AP1G1: variants seen among roughly 807,000 people sequenced by gnomAD.
AP1G1 encodes the protein adaptor related protein complex 1 subunit gamma 1, also known as AP-1 complex subunit gamma-1.
Under a neutral mutation model 108.3 loss-of-function variants are expected in AP1G1, and 7 were observed. The observed-to-expected ratio is 0.06, with a 90% CI of 0.04 to 0.12. The LOEUF (loss-of-function observed/expected upper bound fraction) is 0.12. AP1G1 is among the 10% of genes least tolerant of loss of function. The pLI is 1.00. For synonymous variants in AP1G1, 379 were observed against 353.5 expected (o/e 1.07, Z -0.81); for missense variants, 756 against 1,010.7 (o/e 0.75, Z 3.42).
chr16:71,791,226 AAAAAAAAAAAAC>A (rs932104417), intron 1 of AP1G1, among the ~76,000 whole-genome samples: 1 of 128,122 alleles, frequency 7.8e-6, no homozygotes. Flanking sequence ...TCAAAAAAAC[AAAAAAAAAAAAC>A]AAAAAAAACA....
intron 1 of AP1G1, among the ~76,000 whole-genome samples, chr16:71,793,668 A>G (rs1415660232): frequency 6.6e-6 from 1 of 152,116 alleles, no homozygotes; most frequent in East Asian, 1.9e-4. Flanking sequence ...CAGTACCACA[A>G]TATAGTTTTT....
At chr16:71,750,575 TG>T in intron 13 of AP1G1, 1 of 369,634 alleles carries the variant, frequency 2.7e-6, no homozygotes, top group Non-Finnish European at 5.0e-6. Context: ...CCACCACACC[TG>T]GCTAATTTTT....
chr16:71,750,257 A>G lies in AP1G1; in HGVS notation c.1360T>C (p.Tyr454His). The change falls in exon 14 of 23, where the codon TAT (tyrosine) becomes CAT (histidine). Residue 454 changes from tyrosine to histidine, a missense_variant. Coordinates refer to ENST00000299980, the MANE Select transcript of AP1G1 (RefSeq NM_001128.6). Reference sequence around the variant, plus strand: ...GCTTTGTACAGGCGCTGGACAGTATAGGCATGCATCTCCACACTATTAGTT... The same window carrying G: ...GCTTTGTACAGGCGCTGGACAGTATGGGCATGCATCTCCACACTATTAGTT... The part of the protein sequence containing the change: ...LITNSVEMHA[Y>H]TVQRLYKAIL... 1 of 1,614,162 alleles carries G rather than the reference A, an allele frequency of 6.2e-7. No individual in the cohort carries two copies. The highest frequency in any genetic ancestry group is 8.5e-7 in the Non-Finnish European group (1 of 1,180,006).
chr16:71,805,293 C>A (rs1019642838), intron 1 of AP1G1, among the ~76,000 whole-genome samples: 1 of 151,876 alleles, frequency 6.6e-6, no homozygotes, highest in African/African-American at 2.4e-5. Flanking sequence ...ACTAAAAATA[C>A]AAAAATTAGC....
In AP1G1 at chr16:71,739,061, T is replaced by G. The variant is rs759618982; in HGVS notation, c.2149A>C (p.Ile717Leu). ...ITAYSKNGLK[I>L]EFTFERSNTN... The stretch of plus-strand genomic sequence containing the variant: ...TTTGACCGTTCAAAGGTGAATTCTA[T>G]CTTCAAGCCATTCTTACTGTATGCT... Residue 717 changes from isoleucine (I) to leucine (L), a missense_variant, in exon 21 of 23, where the codon ATA (isoleucine) becomes CTA (leucine). Ile to Leu is a conservative substitution (Grantham distance 5). Coordinates refer to ENST00000299980, the MANE Select transcript of AP1G1 (RefSeq NM_001128.6). 6 of 1,614,226 alleles carry G rather than the reference T, an allele frequency of 3.7e-6. No individual in the cohort carries two copies. Among genetic ancestry groups the G allele is most frequent in the Non-Finnish European group, 5.1e-6 (6 of 1,180,040 alleles).
intron 11 of AP1G1, among the ~76,000 whole-genome samples, chr16:71,757,312 G>A (rs1212426718): frequency 6.6e-6 from 1 of 151,754 alleles, no homozygotes; most frequent in Non-Finnish European, 1.5e-5. Flanking sequence ...TTAGCCGGGT[G>A]TGGTGGCAGG....
chr16:71,773,803 C>T lies in AP1G1; in HGVS notation c.327-441G>A, dbSNP rs192952056. On this transcript the variant is annotated intron_variant, in intron 3 of 22. Transcript: ENST00000299980. ...ACTAAAACTGTAAAAATTGGCCGAG[C>T]GTGGTGGCGGGCGCCTATAATCCCA... is the stretch of plus-strand genomic sequence containing the variant. 1.2e-3 allele frequency among the ~76,000 whole-genome samples: 176 copies of T among 148,606 alleles called. 1 individual carries two copies. The highest frequency in any genetic ancestry group is 1.5e-3 in the East Asian group (7 of 4,550).
At chr16:71,736,655 G>A (rs1455101907) in intron 21 of AP1G1, among the ~76,000 whole-genome samples, 6 of 149,982 alleles carry the variant, frequency 4.0e-5, no homozygotes, top group South Asian at 2.1e-4. Context: ...GGGTGATCTC[G>A]GCTCACTGCA....
chr16:71,796,844 A>T (rs966167257), intron 1 of AP1G1, among the ~76,000 whole-genome samples: 1 of 152,124 alleles, frequency 6.6e-6, no homozygotes, highest in East Asian at 1.9e-4. Flanking sequence ...AAATGCAAAC[A>T]TGCCTACTGA....
chr16:71,746,687 A>G lies in AP1G1; in HGVS notation c.1631T>C (p.Ile544Thr). 1 of 1,608,932 alleles carries G rather than the reference A, an allele frequency of 6.2e-7. No individual in the cohort carries two copies. The stretch of plus-strand genomic sequence containing the variant: ...TCCGTAGATGGAAACCACTTTCTTA[A>G]TTCGGCTATAGATAAAATGACAAAC... ...STRFTCTVNR[I>T]KKVVSIYGSS... The change falls in exon 17 of 23, where the codon ATT (isoleucine) becomes ACT (threonine). Residue 544 changes from isoleucine (I) to threonine (T), a missense_variant. Coordinates refer to ENST00000299980, the MANE Select transcript of AP1G1 (RefSeq NM_001128.6).
chr16:71,744,637 G>A (rs1483243718), intron 19 of AP1G1, among the ~76,000 whole-genome samples: 2 of 143,900 alleles, frequency 1.4e-5, no homozygotes, highest in Non-Finnish European at 3.0e-5. Context: ...ACACACTGGC[G>A]CGATCTCGGC....
At chr16:71,768,917 C>CA (rs58725744) in intron 6 of AP1G1, among the ~76,000 whole-genome samples, 3,693 of 41,912 alleles carry the variant, frequency 0.088, 232 homozygotes, top group African/African-American at 0.14. Flanking sequence ...GACTCTGTCT[C>CA]AAAAAAAAAA....
At chr16:71,740,853 A>C (rs2045610338) in intron 19 of AP1G1, among the ~76,000 whole-genome samples, 1 of 152,352 alleles carries the variant, frequency 6.6e-6, no homozygotes, top group South Asian at 2.1e-4. Context: ...CAACCCTCTT[A>C]ATATTTTATT....
At chr16:71,763,490 C>T (rs933121575) in intron 9 of AP1G1, among the ~76,000 whole-genome samples, 7 of 152,036 alleles carry the variant, frequency 4.6e-5, no homozygotes, top group African/African-American at 1.7e-4. Flanking sequence ...CTTAAAAATG[C>T]TTAAAATGGT....
intron 1 of AP1G1, among the ~76,000 whole-genome samples, chr16:71,805,187 C>G (rs2032955246): frequency 6.6e-6 from 1 of 152,192 alleles, no homozygotes; most frequent in Admixed American, 6.5e-5. Flanking sequence ...GCTCCTCCTG[C>G]CTGTAATCCC....
At chr16:71,808,369 C>A (rs1365867579) in intron 1 of AP1G1, 1 of 888,232 alleles carries the variant, frequency 1.1e-6, no homozygotes, top group East Asian at 6.7e-5. Flanking sequence ...GACACGGGTA[C>A]AAGACACAAG....
At position 71,765,775 on chromosome 16, in the gene AP1G1, T is replaced by G. The variant is rs75252308; in HGVS notation, c.643-191A>C. 7.2e-5 allele frequency: 37 copies of G among 517,390 alleles called. No homozygotes were observed. In the East Asian group the frequency reaches 1.3e-3, roughly 18 times the overall value. 32.0% of individuals were successfully genotyped at this position (517,390 alleles called of 1,614,324 possible). On this transcript the variant is annotated intron_variant, in intron 6 of 22. Transcript: ENST00000299980. ...TTAGGGCAATATTCAAGAAGTAGTA[T>G]GTATTTTATCTGGATAAAACCAAAC...
At position 71,774,579 on chromosome 16, in the gene AP1G1, T is replaced by C; in HGVS notation, c.215A>G (p.Lys72Arg). The change falls in exon 3 of 23, where the codon AAG becomes AGG. Residue 72 changes from lysine (K) to arginine (R), a missense_variant. Physicochemically the swap from Lys to Arg is conservative, Grantham distance 26. Coordinates refer to ENST00000299980, the MANE Select transcript of AP1G1 (RefSeq NM_001128.6). ...TGTAAATTTTTGAGAGGCAATAAGCTTGAGGCACTCCAACTGCAAAAAAAG... is the reference window on the plus strand; with the variant it reads ...TGTAAATTTTTGAGAGGCAATAAGCCTGAGGCACTCCAACTGCAAAAAAAG... ...PAHFGQLECL[K>R]LIASQKFTDK... 6.4e-7 allele frequency: 1 copy of C among 1,568,786 alleles called. No homozygotes were observed. Among genetic ancestry groups the C allele is most frequent in the Non-Finnish European group, 8.6e-7 (1 of 1,164,300 alleles).
chr16:71,779,724 C>T (rs924195605), intron 2 of AP1G1, among the ~76,000 whole-genome samples: 4 of 152,162 alleles, frequency 2.6e-5, no homozygotes, highest in African/African-American at 9.7e-5. Flanking sequence ...CTTTTTACAT[C>T]TTCCTGTAGC....
Sources: gnomAD v4.1 joint callset for allele counts (sites outside exome capture counted in the v4.1 genomes callset) on GRCh38, gnomAD v4.1.1 for gene constraint, MANE v1.5 for transcripts, NCBI Gene and HGNC (gene_info 2026-07-23, HGNC 2026-07-21) for gene names.